CASK: variants seen among roughly 807,000 people sequenced by gnomAD.
CASK encodes the protein peripheral plasma membrane protein CASK.
Under a neutral mutation model 82.9 loss-of-function variants are expected in CASK, and 4 were observed. That is an observed-to-expected ratio of 0.05 (90% CI 0.02 to 0.11). The LOEUF (loss-of-function observed/expected upper bound fraction) is 0.11. Among genes scored for constraint, CASK ranks in the 10% least tolerant of loss-of-function variants. CASK has a pLI of 1.00. For synonymous variants in CASK, 259 were observed against 253.5 expected (o/e 1.02, Z -0.20); for missense variants, 358 against 720.9 (o/e 0.50, Z 5.76).
intron 5 of CASK, chrX:41,728,842 C>A (rs2068315753): frequency 8.1e-6 from 1 of 123,389 alleles, no homozygotes; most frequent in South Asian, 3.7e-4. Context: ...GAAAAAAATC[C>A]AAGGTTTTAT....
chrX:41,565,210 C>T (rs894734526), intron 16 of CASK, among the ~76,000 whole-genome samples: 1 of 111,034 alleles, frequency 9.0e-6, no homozygotes, highest in African/African-American at 3.3e-5. Flanking sequence ...CAAAAGCTAG[C>T]GGAAGGCATG....
intron 21 of CASK, among the ~76,000 whole-genome samples, chrX:41,544,938 C>T (rs1433037515): frequency 5.4e-5 from 6 of 111,247 alleles, no homozygotes; most frequent in Non-Finnish European, 1.1e-4. Context: ...GAAATCCTTC[C>T]TTGTCCCAGA....
At chrX:41,638,125 A>G (rs1399382061) in intron 8 of CASK, among the ~76,000 whole-genome samples, 1 of 112,432 alleles carries the variant, frequency 8.9e-6, no homozygotes, top group African/African-American at 3.2e-5. Context: ...AAAACCAACA[A>G]AGATTCCAGC....
chrX:41,705,218 G>C (rs991093252), intron 5 of CASK, among the ~76,000 whole-genome samples: 3 of 112,258 alleles, frequency 2.7e-5, no homozygotes, highest in Admixed American at 1.9e-4. Context: ...TGAAACTTGA[G>C]CAAGTAAGGA....
intron 1 of CASK, among the ~76,000 whole-genome samples, chrX:41,903,883 A>G (rs1002924053): frequency 8.9e-6 from 1 of 112,219 alleles, no homozygotes; most frequent in African/African-American, 3.2e-5. Context: ...ATTTATTGAG[A>G]TATAATTCAT....
rs202164173 is a variant in CASK, at chrX:41,912,790, T to TTATATA, written c.59+10134_59+10139dup. ...TCTCTCCTTCCCTCTTGCAAGTAAT[T>TTATATA]TATATATATATATATATAAAATATA... is the stretch of plus-strand genomic sequence containing the variant. On this transcript the variant is annotated intron_variant, in intron 1 of 26. Transcript: ENST00000378163. Among the ~76,000 whole-genome samples the TTATATA allele has an allele frequency of 1.6e-3, 154 of 97,908 alleles. 1 individual carries two copies. Among genetic ancestry groups the TTATATA allele is most frequent in the African/African-American group, 4.3e-3 (119 of 27,706 alleles). The allele number at this position is 97,908 out of a possible 115,157, so 85.0% of individuals were successfully genotyped here. A position where few individuals can be genotyped will look rare whatever the true frequency, so the allele number is the denominator to read the frequency against.
intron 1 of CASK, among the ~76,000 whole-genome samples, chrX:41,869,812 C>CAAAAAAAAAAAAAAAAAAAAAAAAA (rs72190097): frequency 5.8e-4 from 7 of 12,114 alleles, no homozygotes; most frequent in East Asian, 4.5e-3. Flanking sequence ...GACTCTGTCT[C>CAAAAAAAAAAAAAAAAAAAAAAAAA]AAAAAAAAAA....
chrX:41,723,547 CCAAA>C (rs1405435839), intron 5 of CASK, among the ~76,000 whole-genome samples: 1 of 111,540 alleles, frequency 9.0e-6, no homozygotes, highest in African/African-American at 3.3e-5. Context: ...ATGAAATGCC[CCAAA>C]CAGTGTATTA....
At chrX:41,643,551 C>T (rs1329992988) in intron 8 of CASK, among the ~76,000 whole-genome samples, 1 of 111,433 alleles carries the variant, frequency 9.0e-6, no homozygotes, top group Non-Finnish European at 1.9e-5. Flanking sequence ...AATGGGAGTT[C>T]ACTCATGATT....
intron 8 of CASK, among the ~76,000 whole-genome samples, chrX:41,640,664 T>C (rs2066632589): frequency 8.9e-6 from 1 of 112,125 alleles, no homozygotes; most frequent in Non-Finnish European, 1.9e-5. Flanking sequence ...CTGTATTATC[T>C]TCTTTGTTGA....
At chrX:41,855,082 T>C (rs904522346) in intron 1 of CASK, among the ~76,000 whole-genome samples, 8 of 112,149 alleles carry the variant, frequency 7.1e-5, no homozygotes, top group African/African-American at 2.3e-4. Context: ...TGATTGTTCA[T>C]GGTCAATCGA....
chrX:41,707,099 C>T (rs1432565146), intron 5 of CASK, among the ~76,000 whole-genome samples: 2 of 112,127 alleles, frequency 1.8e-5, no homozygotes, highest in Admixed American at 9.4e-5. Flanking sequence ...TTAAAAATTG[C>T]CCCCAATTCC....
intron 12 of CASK, among the ~76,000 whole-genome samples, chrX:41,609,536 T>C (rs747221011): frequency 9.2e-6 from 1 of 108,989 alleles, no homozygotes; most frequent in East Asian, 2.8e-4. Context: ...TAAAAAGGTA[T>C]GCTAAATATT....
At chrX:41,677,342 C>A (rs2067284861) in intron 5 of CASK, among the ~76,000 whole-genome samples, 1 of 110,445 alleles carries the variant, frequency 9.1e-6, no homozygotes, top group Admixed American at 9.6e-5. Context: ...AGGATTGAGT[C>A]CTGGTGCACG....
At position 41,531,102 on chromosome X, in the gene CASK, C is replaced by T. The variant is rs1064796884; in HGVS notation, c.2425G>A (p.Gly809Ser). The T allele has an allele frequency of 8.3e-7, 1 of 1,208,982 alleles. No individual in the cohort carries two copies. The highest frequency in any genetic ancestry group is 1.1e-6 in the Non-Finnish European group (1 of 892,994). Residue 809 changes from glycine (G) to serine (S), a missense_variant, in exon 25 of 27, where the codon GGC becomes AGC. Physicochemically the swap from Gly to Ser is moderately conservative, Grantham distance 56. This residue lies in a region of CASK where 118 missense variants were observed against 169.4 expected (regional missense o/e 0.70). Coordinates refer to ENST00000378163, the MANE Select transcript of CASK (RefSeq NM_001367721.1). ...DISNNEYLEY[G>S]SHEDAMYGTK... ...CCATACATCGCATCCTCGTGGCTGC[C>T]GTACTCCAAGTACTCGTTATTAGAG...
rs373494642 is a variant in CASK, at chrX:41,841,132, G to A, written c.172+11983C>T. On this transcript the variant is annotated intron_variant, in intron 2 of 26. Transcript: ENST00000378163. ...AGGAACTGCCAAGCTTTTCAACAGC[G>A]GTTACATCATTTTGTATTCCCAATA... 1.8e-4 allele frequency among the ~76,000 whole-genome samples: 20 copies of A among 111,950 alleles called. 1 individual carries two copies. In the East Asian group the frequency reaches 3.1e-3, roughly 17 times the overall value.
intron 1 of CASK, among the ~76,000 whole-genome samples, chrX:41,868,429 T>C (rs1323712337): frequency 8.9e-6 from 1 of 112,095 alleles, no homozygotes; most frequent in Non-Finnish European, 1.9e-5. Context: ...TGCACATTAA[T>C]ATTTTACAAT....
At chrX:41,552,420 G>A (rs1186923538) in intron 21 of CASK, among the ~76,000 whole-genome samples, 1 of 111,359 alleles carries the variant, frequency 9.0e-6, no homozygotes, top group Admixed American at 9.6e-5. Context: ...AGGACTCAGA[G>A]TTCTAGAAAT....
intron 2 of CASK, among the ~76,000 whole-genome samples, chrX:41,852,308 T>C (rs2071280389): frequency 9.0e-6 from 1 of 111,535 alleles, no homozygotes; most frequent in Non-Finnish European, 1.9e-5. Flanking sequence ...GCCCTAGATT[T>C]TCCAATCTAA....
Sources: allele counts gnomAD v4.1 joint callset (sites outside exome capture counted in the v4.1 genomes callset), GRCh38; gene constraint gnomAD v4.1.1; regional missense constraint gnomAD v4.1.1; transcripts MANE v1.5; gene names NCBI Gene and HGNC (gene_info 2026-07-23, HGNC 2026-07-21).